Variants in MAPK6 observed in about 807,000 individuals in gnomAD.
The protein encoded by MAPK6 is mitogen-activated protein kinase 6, also known as ERK-3.
A neutral mutation model predicts 59.3 loss-of-function variants in MAPK6; 19 were observed. The observed-to-expected ratio is 0.32, with a 90% CI of 0.22 to 0.47. The LOEUF (loss-of-function observed/expected upper bound fraction) is 0.47, where lower values mean the gene tolerates loss of function less well. Ranked by LOEUF, MAPK6 falls within the 20% of genes least tolerant of loss-of-function variation. The pLI, the probability that MAPK6 is intolerant of heterozygous loss-of-function variation, is 1.00. For synonymous variants in MAPK6, 316 were observed against 290.3 expected, an observed-to-expected ratio of 1.09 and a Z score of -0.90; for missense variants, 724 against 847.9, an observed-to-expected ratio of 0.85 and a Z score of 1.81.
At chr15:52,008,685 C>A (rs542059182) in intron 3 of MAPK6, among the ~76,000 whole-genome samples, 1 of 152,300 alleles carries the variant, frequency 6.6e-6, no homozygotes, top group African/African-American at 2.4e-5. Flanking sequence ...TTAAACCAAG[C>A]ATGGGGTCCT....
Position 52,064,928 on chromosome 15 carries a change from A to G in MAPK6, c.2094A>G (p.Thr698=). 2 of 1,611,896 alleles carry G rather than the reference A, an allele frequency of 1.2e-6. No individual in the cohort carries two copies. Among genetic ancestry groups the G allele is most frequent in the Non-Finnish European group, 1.7e-6 (2 of 1,179,794 alleles). ...SPLKSIQATL[T]PSAMKSSPQI... ...TTAAGTCAATACAGGCCACATTAAC[A>G]CCTTCTGCTATGAAATCTTCCCCTC... Residue 698 remains threonine, a synonymous_variant, in exon 6 of 6, where the codon ACA becomes ACG. Transcript: ENST00000261845.
intron 3 of MAPK6, among the ~76,000 whole-genome samples, chr15:52,050,431 T>A (rs1054125669): frequency 2.6e-5 from 4 of 152,226 alleles, no homozygotes; most frequent in Non-Finnish European, 5.9e-5. Context: ...TCTGTCAGTA[T>A]CATCACTTCC....
At chr15:51,993,589 T>C (rs1023756146) in intron 2 of MAPK6, among the ~76,000 whole-genome samples, 4 of 152,102 alleles carry the variant, frequency 2.6e-5, no homozygotes, top group Admixed American at 1.3e-4. Flanking sequence ...TAAATATAGA[T>C]AGATGGATGT....
Position 52,046,802 on chromosome 15 carries a change from C to A in MAPK6, c.342C>A (p.Asp114Glu). The change falls in exon 2 of 6, where the codon GAC (aspartate) becomes GAA (glutamate). Residue 114 changes from aspartate (D) to glutamate (E), a missense_variant. Asp to Glu is a conservative substitution (Grantham distance 45). Transcript: ENST00000261845. The part of the protein sequence containing the change: ...VYIVQEYMET[D>E]LANVLEQGPL... ...TTGTTCAGGAGTACATGGAGACAGACTTGGCTAATGTGCTGGAGCAGGGCC... is the reference window on the plus strand; with the variant it reads ...TTGTTCAGGAGTACATGGAGACAGAATTGGCTAATGTGCTGGAGCAGGGCC... 6.2e-7 allele frequency: 1 copy of A among 1,613,746 alleles called. No homozygotes were observed. Among genetic ancestry groups the A allele is most frequent in the Non-Finnish European group, 8.5e-7 (1 of 1,179,816 alleles).
rs1394989052 is a variant in MAPK6 at position 52,021,947 on chromosome 15, CTT to C, written c.-632+2574_-632+2575del. Among the ~76,000 whole-genome samples, 3 of 151,776 alleles carry C rather than the reference CTT, an allele frequency of 2.0e-5. No individual in the cohort carries two copies. In the South Asian group the frequency reaches 6.2e-4, roughly 32 times the overall value. On this transcript the variant is annotated intron_variant, in intron 1 of 5. Transcript: ENST00000261845. ...GTTGAAACTTGGTAATAAGATAAAT[CTT>C]TTGACTGATTTTAAAACAGCCAACG...
intron 2 of MAPK6, among the ~76,000 whole-genome samples, chr15:51,997,184 G>A (rs1200740229): frequency 1.3e-5 from 2 of 151,820 alleles, no homozygotes; most frequent in South Asian, 2.1e-4. Flanking sequence ...GTTTCACCAT[G>A]TTGGCCAGGC....
chr15:52,034,881 A>G (rs1222946154), intron 1 of MAPK6, among the ~76,000 whole-genome samples: 4 of 152,056 alleles, frequency 2.6e-5, no homozygotes, highest in African/African-American at 9.6e-5. Context: ...TGTTTTTAGT[A>G]GAAACGCGGT....
intron 3 of MAPK6, among the ~76,000 whole-genome samples, chr15:52,007,720 T>C (rs1007554473): frequency 6.9e-6 from 1 of 145,608 alleles, no homozygotes; most frequent in Non-Finnish European, 1.5e-5. Context: ...AAAAAAAAAA[T>C]TAATTCCTTT....
intron 1 of MAPK6, among the ~76,000 whole-genome samples, chr15:52,023,059 A>C (rs913860858): frequency 1.7e-5 from 2 of 116,978 alleles, no homozygotes; most frequent in Admixed American, 2.5e-4. Flanking sequence ...GTGAGCCGAG[A>C]TTGTGCCAGT....
At position 52,049,976 on chromosome 15, in the gene MAPK6, T is replaced by G. The variant is rs2031724939; in HGVS notation, c.556-17T>G. 1 of 1,605,382 alleles carries G rather than the reference T, an allele frequency of 6.2e-7. No homozygotes were observed. The highest frequency in any genetic ancestry group is 1.7e-5 in the Admixed American group (1 of 59,752). On this transcript the variant is annotated splice_polypyrimidine_tract_variant and intron_variant, in intron 2 of 5. Transcript: ENST00000261845. ...TCAGCTAAAGTAAAAAAAGTATGTTTTTTGTTTCTTTTATAGGGTCATCTT... is the reference window on the plus strand; with the variant it reads ...TCAGCTAAAGTAAAAAAAGTATGTTGTTTGTTTCTTTTATAGGGTCATCTT...
intron 3 of MAPK6, among the ~76,000 whole-genome samples, chr15:52,008,292 A>G (rs1172771694): frequency 6.6e-6 from 1 of 152,156 alleles, no homozygotes; most frequent in Non-Finnish European, 1.5e-5. Flanking sequence ...AAGAAAAGAT[A>G]TGATAGGGTA....
chr15:51,998,286 C>G (rs2057231341), intron 2 of MAPK6, among the ~76,000 whole-genome samples: 3 of 151,954 alleles, frequency 2.0e-5, no homozygotes, highest in Admixed American at 2.0e-4. Flanking sequence ...CTCACTGCAA[C>G]CCCCACCTCC....
intron 3 of MAPK6, among the ~76,000 whole-genome samples, chr15:52,057,992 T>G (rs898608721): frequency 2.1e-5 from 3 of 141,742 alleles, no homozygotes; most frequent in Non-Finnish European, 3.0e-5. Context: ...AAAGGAATTT[T>G]GAATGTTCAA....
chr15:52,037,870 A>G (rs1377457426), intron 1 of MAPK6, among the ~76,000 whole-genome samples: 1 of 152,158 alleles, frequency 6.6e-6, no homozygotes, highest in African/African-American at 2.4e-5. Flanking sequence ...GGTACCTACT[A>G]ATTACCAGGT....
chr15:52,012,173 C>T (rs1256280457), intron 3 of MAPK6, among the ~76,000 whole-genome samples: 6 of 152,254 alleles, frequency 3.9e-5, no homozygotes, highest in Non-Finnish European at 8.8e-5. Context: ...CCTCTGCACA[C>T]AACAACCCTT....
Position 52,063,888 on chromosome 15 carries a change from T to C in MAPK6, c.1068-14T>C, listed in dbSNP as rs1167095124. 39 of 1,530,496 alleles carry C rather than the reference T, an allele frequency of 2.5e-5. No individual in the cohort carries two copies. Among genetic ancestry groups the C allele is most frequent in the Non-Finnish European group, 3.4e-5 (39 of 1,141,464 alleles). The allele number at this position is 1,530,496 out of a possible 1,614,324, so 94.8% of individuals were successfully genotyped here. A position where few individuals can be genotyped will look rare whatever the true frequency, so the allele number is the denominator to read the frequency against. On this transcript the variant is annotated splice_polypyrimidine_tract_variant and intron_variant, in intron 5 of 5. Transcript: ENST00000261845. The stretch of plus-strand genomic sequence containing the variant: ...ATATACGTAGAATAACGCTAGTGTA[T>C]TGATTTTTTTCAGGTATCATGATTG...
Position 52,007,330 on chromosome 15 carries a change from G to C in MAPK6, c.-632+2928G>C, listed in dbSNP as rs183384811. ...CACCTTCTTCAGGGCTATCTTCTGG[G>C]GGGTGGGGTTCTAGCAAGACTGGCT... is the stretch of plus-strand genomic sequence containing the variant. On this transcript the variant is annotated intron_variant, in intron 3 of 7. Coordinates refer to the MAPK6 transcript ENST00000691380. Among the ~76,000 whole-genome samples the C allele has an allele frequency of 2.5e-4, 38 of 152,176 alleles. 1 individual carries two copies. In the East Asian group the frequency reaches 7.3e-3, roughly 29 times the overall value.
At position 52,065,801 on chromosome 15, in the gene MAPK6, G is replaced by A. The variant is rs2032400155; in HGVS notation, c.*801G>A. 6.6e-6 allele frequency: 1 copy of A among 152,392 alleles called. No individual in the cohort carries two copies. 9.4% of individuals were successfully genotyped at this position (152,392 alleles called of 1,614,324 possible). A position where few individuals can be genotyped will look rare whatever the true frequency, so the allele number is the denominator to read the frequency against. The stretch of plus-strand genomic sequence containing the variant: ...TTGCCTACCTAGCTGCATCTATAAT[G>A]TCAGCTTATCCTAAGGCTGTCCACG... On this transcript the variant is annotated 3_prime_UTR_variant, in exon 6 of 6. Transcript: ENST00000261845.
intron 1 of MAPK6, among the ~76,000 whole-genome samples, chr15:52,027,043 C>CT (rs983107855): frequency 6.9e-6 from 1 of 145,740 alleles, no homozygotes; most frequent in Non-Finnish European, 1.5e-5. Context: ...GAGCAATACT[C>CT]TGTCTTGAAA....
Sources: gnomAD v4.1 joint callset for allele counts (sites outside exome capture counted in the v4.1 genomes callset) on GRCh38, gnomAD v4.1.1 for gene constraint, MANE v1.5 for transcripts, NCBI Gene and HGNC (gene_info 2026-07-23, HGNC 2026-07-21) for gene names.